Variants in DAAM2 observed in about 807,000 individuals in gnomAD.
The protein encoded by DAAM2 is dishevelled associated activator of morphogenesis 2, also known as disheveled-associated activator of morphogenesis 2.
In DAAM2, 39 loss-of-function variants were observed where a neutral mutation model predicts 120.7. The observed-to-expected ratio is 0.32, with a 90% CI of 0.25 to 0.42. DAAM2 has a LOEUF of 0.42. DAAM2 is among the 10% of genes least tolerant of loss of function. The pLI is 1.00. For missense variants in DAAM2, 1,283 were observed against 1,401.7 expected, an observed-to-expected ratio of 0.92 and a Z score of 1.35; for synonymous variants, 488 against 524.9, an observed-to-expected ratio of 0.93 and a Z score of 0.96.
At chr6:39,881,217 G>A (rs1014199568) in intron 14 of DAAM2, among the ~76,000 whole-genome samples, 1 of 143,950 alleles carries the variant, frequency 6.9e-6, no homozygotes, top group African/African-American at 2.5e-5. Context: ...GAGCAGGCCA[G>A]AGTTTCATTT....
intron 1 of DAAM2, among the ~76,000 whole-genome samples, chr6:39,812,736 A>T (rs116316791): frequency 1.3e-4 from 20 of 152,168 alleles, no homozygotes; most frequent in Middle Eastern, 3.4e-3. Context: ...TGTTGCAAAC[A>T]CACCCTCAAC....
intron 1 of DAAM2, among the ~76,000 whole-genome samples, chr6:39,850,292 TCTC>T (rs1338440423): frequency 1.3e-5 from 2 of 152,090 alleles, no homozygotes; most frequent in African/African-American, 2.4e-5. Context: ...TCCTTGATTT[TCTC>T]CTCTCTTTCA....
In DAAM2 at chr6:39,878,797, G is replaced by A. The variant is rs1327018539; in HGVS notation, c.1545+209G>A. 1.3e-5 allele frequency among the ~76,000 whole-genome samples: 2 copies of A among 152,140 alleles called. No individual in the cohort carries two copies. Among genetic ancestry groups the A allele is most frequent in the Non-Finnish European group, 2.9e-5 (2 of 68,026 alleles). On this transcript the variant is annotated intron_variant, in intron 13 of 24. Transcript: ENST00000274867. The surrounding 1 kb of genome is among the most constrained non-coding windows in gnomAD (Gnocchi z 5.0). ...AATGTCCCTTCCTCTGGGTGACACTGTGCCAGGAAGCACACCTTGGACAGC... is the reference window on the plus strand; with the variant it reads ...AATGTCCCTTCCTCTGGGTGACACTATGCCAGGAAGCACACCTTGGACAGC...
chr6:39,844,393 C>A (rs963031221), intron 1 of DAAM2, among the ~76,000 whole-genome samples: 3 of 151,792 alleles, frequency 2.0e-5, no homozygotes, highest in South Asian at 2.1e-4. Flanking sequence ...CACACACACA[C>A]CCCACCCAGA....
chr6:39,805,564 T>C (rs1761985629), intron 1 of DAAM2, among the ~76,000 whole-genome samples: 1 of 151,746 alleles, frequency 6.6e-6, no homozygotes, highest in South Asian at 2.1e-4. Flanking sequence ...GTTATTTTTT[T>C]TTTTTTTTGA....
chr6:39,795,081 C>T (rs899827966), intron 1 of DAAM2, among the ~76,000 whole-genome samples: 1 of 152,156 alleles, frequency 6.6e-6, no homozygotes, highest in African/African-American at 2.4e-5. Flanking sequence ...TTCACTATGG[C>T]CGGGATGAAT....
chr6:39,809,742 G>A (rs1022251005), intron 1 of DAAM2, among the ~76,000 whole-genome samples: 1 of 152,104 alleles, frequency 6.6e-6, no homozygotes, highest in East Asian at 1.9e-4. Flanking sequence ...TTTTTCCATG[G>A]TATACCCCAC....
intron 1 of DAAM2, among the ~76,000 whole-genome samples, chr6:39,832,050 C>T (rs542900519): frequency 1.8e-4 from 15 of 81,474 alleles, no homozygotes; most frequent in African/African-American, 3.5e-4. Flanking sequence ...AGGTACACTG[C>T]GGGGACAGGT....
At chr6:39,852,006 T>G (rs1763825552) in intron 1 of DAAM2, among the ~76,000 whole-genome samples, 1 of 152,110 alleles carries the variant, frequency 6.6e-6, no homozygotes, top group Admixed American at 6.5e-5. Flanking sequence ...TGACCTATGG[T>G]TTGGTGTCTT....
In DAAM2 at chr6:39,888,748, G is replaced by A; in HGVS notation, c.2130G>A (p.Lys710=). ...LKMDEQEDLA[K]DMLEQLLKFI... Reference sequence around the variant, plus strand: ...TGGATGAGCAGGAGGACCTTGCTAAGGACATGCTGGAGCAGGTGAGGACCC... The same window carrying A: ...TGGATGAGCAGGAGGACCTTGCTAAAGACATGCTGGAGCAGGTGAGGACCC... The change falls in exon 17 of 25, where the codon AAG becomes AAA. Residue 710 remains lysine, a synonymous_variant. Transcript: ENST00000274867. The A allele has an allele frequency of 6.2e-7, 1 of 1,612,692 alleles. No homozygotes were observed. The highest frequency in any genetic ancestry group is 8.5e-7 in the Non-Finnish European group (1 of 1,179,304).
chr6:39,827,518 C>A (rs1409970089), intron 1 of DAAM2, among the ~76,000 whole-genome samples: 2 of 152,050 alleles, frequency 1.3e-5, no homozygotes, highest in African/African-American at 2.4e-5. Context: ...CTTCACCACC[C>A]CAGGGAATGG....
At chr6:39,828,305 C>T (rs539883327) in intron 1 of DAAM2, among the ~76,000 whole-genome samples, 4 of 152,294 alleles carry the variant, frequency 2.6e-5, no homozygotes, top group Admixed American at 2.6e-4. Flanking sequence ...GAGGGCTGCC[C>T]TCTGCTCCTA....
intron 15 of DAAM2, chr6:39,885,915 G>A (rs934789068): frequency 8.5e-5 from 13 of 152,572 alleles, no homozygotes; most frequent in African/African-American, 3.1e-4. Flanking sequence ...CACATCAAAG[G>A]ACAGATGAGG....
chr6:39,839,533 G>A (rs1763241865), intron 1 of DAAM2, among the ~76,000 whole-genome samples: 1 of 152,252 alleles, frequency 6.6e-6, no homozygotes, highest in African/African-American at 2.4e-5. Flanking sequence ...CTGAGAACCA[G>A]GCTTAGGACC....
intron 1 of DAAM2, among the ~76,000 whole-genome samples, chr6:39,849,576 T>C (rs1397873823): frequency 2.0e-5 from 3 of 152,236 alleles, no homozygotes; most frequent in African/African-American, 7.2e-5. Flanking sequence ...GCCAAGTAAC[T>C]TGTTTGAAGT....
intron 1 of DAAM2, among the ~76,000 whole-genome samples, chr6:39,844,964 A>C (rs1413551329): frequency 6.6e-6 from 1 of 150,800 alleles, no homozygotes; most frequent in Non-Finnish European, 1.5e-5. Context: ...TACACATACC[A>C]CATGTACACA....
intron 14 of DAAM2, among the ~76,000 whole-genome samples, chr6:39,882,719 G>GCA (rs1055877250): frequency 3.4e-5 from 3 of 87,740 alleles, no homozygotes; most frequent in African/African-American, 4.0e-5. Flanking sequence ...ACACACACAC[G>GCA]CACACACACA....
chr6:39,870,589 AAGGG>A (rs1764620250), intron 8 of DAAM2, 146 bp downstream of exon 8: 1 of 643,554 alleles, frequency 1.6e-6, no homozygotes, highest in Admixed American at 2.3e-5. Context: ...CTGTGGGGGG[AAGGG>A]GTGCCCTTGC....
intron 14 of DAAM2, among the ~76,000 whole-genome samples, chr6:39,880,867 T>A (rs2149333941): frequency 6.6e-6 from 1 of 152,322 alleles, no homozygotes; most frequent in East Asian, 1.9e-4. Context: ...TGCACAGTTG[T>A]GCCCTGTGGG....
Sources: gnomAD v4.1 joint callset for allele counts (sites outside exome capture counted in the v4.1 genomes callset) on GRCh38, gnomAD v4.1.1 for gene constraint, Gnocchi (gnomAD v3.1) non-coding constraint, MANE v1.5 for transcripts, NCBI Gene and HGNC (gene_info 2026-07-23, HGNC 2026-07-21) for gene names.